Variants in SPAST observed in about 807,000 individuals in gnomAD.
SPAST encodes the protein spastic paraplegia 4 (autosomal dominant; spastin).
In SPAST, 30 loss-of-function variants were observed where a neutral mutation model predicts 76.6. The observed-to-expected ratio is 0.39, with a 90% CI of 0.29 to 0.53. SPAST has a LOEUF of 0.53. Ranked by LOEUF, SPAST falls within the 20% of genes least tolerant of loss-of-function variation. The probability of loss-of-function intolerance (pLI) is 0.68; values close to 1 mark genes in which losing one functional copy is unlikely to be tolerated. For missense variants in SPAST, 717 were observed against 770.5 expected (o/e 0.93, Z 0.82); for synonymous variants, 305 against 281.0 (o/e 1.09, Z -0.86).
intron 4 of SPAST, among the ~76,000 whole-genome samples, chr2:32,109,145 G>A (rs1183156736): frequency 6.6e-6 from 1 of 151,644 alleles, no homozygotes; most frequent in Non-Finnish European, 1.5e-5. Flanking sequence ...GAGTTGCTCT[G>A]TTGCCCAGGC....
At chr2:32,068,892 T>C (rs899591428) in intron 1 of SPAST, among the ~76,000 whole-genome samples, 2 of 126,872 alleles carry the variant, frequency 1.6e-5, no homozygotes, top group African/African-American at 6.0e-5. Context: ...TGAGACTCCA[T>C]CAAAAAAAAA....
chr2:32,110,636 GTATA>G (rs1252272186), intron 4 of SPAST, among the ~76,000 whole-genome samples: 28 of 131,188 alleles, frequency 2.1e-4, no homozygotes, highest in African/African-American at 7.6e-4. Flanking sequence ...AGTATATGTA[GTATA>G]TATAGTATAT....
chr2:32,082,005 CTTTTTTTTTT>C (rs35493322), intron 1 of SPAST, among the ~76,000 whole-genome samples: 1 of 71,216 alleles, frequency 1.4e-5, no homozygotes, highest in Admixed American at 1.9e-4. Flanking sequence ...AGTTCTCTCT[CTTTTTTTTTT>C]TTTTTTTTTT....
chr2:32,144,880 A>G, intron 14 of SPAST, 57 bp from the exon 15 acceptor site: 1 of 1,223,554 alleles, frequency 8.2e-7, no homozygotes, highest in Non-Finnish European at 1.2e-6. Context: ...GCAAAACTCC[A>G]TCTCAAAAAA....
intron 16 of SPAST, among the ~76,000 whole-genome samples, chr2:32,152,068 G>T (rs1306152377): frequency 6.6e-6 from 1 of 152,032 alleles, no homozygotes; most frequent in Non-Finnish European, 1.5e-5. Context: ...AGTACCTTGT[G>T]TATCTAATTT....
chr2:32,095,007 A>G (rs1291964942), intron 3 of SPAST, among the ~76,000 whole-genome samples: 1 of 152,164 alleles, frequency 6.6e-6, no homozygotes, highest in Non-Finnish European at 1.5e-5. Context: ...GGAATGAAAT[A>G]CTCTGACTTA....
At position 32,142,055 on chromosome 2, in the gene SPAST, T is replaced by A. The variant is rs1347067859; in HGVS notation, c.1536+109T>A. ...GGTACAGCTACTTTGGAAAACAGTT[T>A]AGTGGTTTCTTAAAAAGATGTACAT... is the stretch of plus-strand genomic sequence containing the variant. On this transcript the variant is annotated intron_variant, in intron 13 of 16. Transcript: ENST00000315285. The A allele has an allele frequency of 3.0e-5, 26 of 875,772 alleles. No homozygotes were observed. The East Asian group carries it at 6.3e-4, about 21-fold the overall frequency. 54.3% of individuals were successfully genotyped at this position (875,772 alleles called of 1,614,324 possible). A position where few individuals can be genotyped will look rare whatever the true frequency, so the allele number is the denominator to read the frequency against.
At chr2:32,080,783 C>CT (rs1162817708) in intron 1 of SPAST, among the ~76,000 whole-genome samples, 11,246 of 48,498 alleles carry the variant, frequency 0.23, 4,683 homozygotes, top group East Asian at 0.39. Flanking sequence ...TGGCTCAGTT[C>CT]TTTTTTTTTT....
At chr2:32,083,294 T>C (rs950924409) in intron 1 of SPAST, among the ~76,000 whole-genome samples, 7 of 152,020 alleles carry the variant, frequency 4.6e-5, no homozygotes, top group African/African-American at 1.7e-4. Context: ...TACTGTAAAT[T>C]CATGTACAGG....
chr2:32,144,427 A>G (rs1454839262), intron 14 of SPAST, among the ~76,000 whole-genome samples: 1 of 152,234 alleles, frequency 6.6e-6, no homozygotes, highest in Non-Finnish European at 1.5e-5. Context: ...ATCTAAAGGA[A>G]TGGTTCTAAT....
chr2:32,153,172 A>C (rs1680144072), intron 16 of SPAST, among the ~76,000 whole-genome samples: 1 of 152,164 alleles, frequency 6.6e-6, no homozygotes, highest in Non-Finnish European at 1.5e-5. Flanking sequence ...TGGGTTTTTA[A>C]GAGTAGTTTT....
At chr2:32,141,722 A>T (rs1679726779) in intron 12 of SPAST, among the ~76,000 whole-genome samples, 182 bp from the exon 13 acceptor site, 1 of 152,244 alleles carries the variant, frequency 6.6e-6, no homozygotes, top group African/African-American at 2.4e-5. Context: ...ACAATACCGA[A>T]TTAAGGATTT....
intron 1 of SPAST, among the ~76,000 whole-genome samples, chr2:32,086,100 A>G (rs1169147952): frequency 1.3e-5 from 2 of 152,138 alleles, no homozygotes; most frequent in East Asian, 3.9e-4. Context: ...GAGTCATTGT[A>G]TTATATTGAT....
chr2:32,146,480 G>A (rs1250990435), intron 15 of SPAST, among the ~76,000 whole-genome samples: 1 of 152,100 alleles, frequency 6.6e-6, no homozygotes, highest in African/African-American at 2.4e-5. Flanking sequence ...AGGATCACTT[G>A]AGCCTGGAAG....
rs752078416 is a variant in SPAST, at chr2:32,115,854, A to G, written c.1004+19A>G. On this transcript the variant is annotated intron_variant, in intron 6 of 16. Coordinates refer to ENST00000315285, the MANE Select transcript of SPAST (RefSeq NM_014946.4). ...TGGACAAGTAAGTTTTGCCATCTAA[A>G]TGTTTTATTTTATAGTTTTTATATT... is the stretch of plus-strand genomic sequence containing the variant. The G allele has an allele frequency of 1.9e-6, 3 of 1,588,056 alleles. No individual in the cohort carries two copies. The highest frequency in any genetic ancestry group is 2.6e-6 in the Non-Finnish European group (3 of 1,160,258).
At chr2:32,116,338 A>T (rs1347674803) in intron 7 of SPAST, 126 bp downstream of exon 7, 1 of 679,140 alleles carries the variant, frequency 1.5e-6, no homozygotes, top group African/African-American at 1.8e-5. Context: ...CAATAGATTT[A>T]ATGTTTTAAA....
chr2:32,135,337 GC>G (rs770073729), intron 9 of SPAST, among the ~76,000 whole-genome samples: 13 of 151,420 alleles, frequency 8.6e-5, no homozygotes, highest in Non-Finnish European at 1.6e-4. Flanking sequence ...CACCGTGTTA[GC>G]CAGGATGGTC....
intron 4 of SPAST, among the ~76,000 whole-genome samples, chr2:32,113,756 G>A (rs754993775): frequency 9.9e-5 from 15 of 151,088 alleles, no homozygotes; most frequent in Non-Finnish European, 1.8e-4. Context: ...TAGCAGAGAC[G>A]AGGTTTCACC....
At chr2:32,119,415 T>C (rs1446470350) in intron 7 of SPAST, among the ~76,000 whole-genome samples, 1 of 152,168 alleles carries the variant, frequency 6.6e-6, no homozygotes, top group Non-Finnish European at 1.5e-5. Context: ...TGGCAGGCAT[T>C]CTTGAGTATA....
Sources: gnomAD v4.1 joint callset for allele counts (sites outside exome capture counted in the v4.1 genomes callset) on GRCh38, gnomAD v4.1.1 for gene constraint, MANE v1.5 for transcripts, NCBI Gene and HGNC (gene_info 2026-07-23, HGNC 2026-07-21) for gene names.